PTPRT: variants seen among roughly 807,000 people sequenced by gnomAD.
The protein encoded by PTPRT is protein tyrosine phosphatase receptor type T.
PTPRT carries 56 observed loss-of-function variants against 176.8 expected under a neutral mutation model. That is an observed-to-expected ratio of 0.32 (90% CI 0.26 to 0.40). The LOEUF (loss-of-function observed/expected upper bound fraction) is 0.40, where lower values mean the gene tolerates loss of function less well. Ranked by LOEUF, PTPRT falls within the 10% of genes least tolerant of loss-of-function variation. The pLI is 1.00. For missense variants in PTPRT, 1,540 were observed against 1,908.2 expected (o/e 0.81, Z 3.60); for synonymous variants, 783 against 739.0 (o/e 1.06, Z -0.96).
intron 9 of PTPRT, among the ~76,000 whole-genome samples, chr20:42,390,894 G>T (rs1178975366): frequency 6.6e-6 from 1 of 152,156 alleles, no homozygotes; most frequent in African/African-American, 2.4e-5. Context: ...AGGCTGGCAG[G>T]TAGGACTAAG....
At chr20:42,339,439 T>C (rs570112556) in intron 11 of PTPRT, among the ~76,000 whole-genome samples, 7 of 152,300 alleles carry the variant, frequency 4.6e-5, no homozygotes, top group African/African-American at 1.7e-4. Flanking sequence ...GAGAGAGACA[T>C]GAGAGATCCA....
At chr20:42,603,792 C>T (rs1007943037) in intron 7 of PTPRT, among the ~76,000 whole-genome samples, 1 of 152,120 alleles carries the variant, frequency 6.6e-6, no homozygotes, top group Non-Finnish European at 1.5e-5. Context: ...TCTTTATCCC[C>T]GTAGATGTGT....
intron 7 of PTPRT, among the ~76,000 whole-genome samples, chr20:42,647,964 C>T (rs1405913605): frequency 2.0e-5 from 3 of 152,108 alleles, no homozygotes; most frequent in East Asian, 1.9e-4. Context: ...GGAAATTTCT[C>T]GTCCCTACTC....
intron 10 of PTPRT, 51 bp downstream of exon 10, chr20:42,352,033 G>A (rs2058291551): frequency 6.4e-7 from 1 of 1,561,110 alleles, no homozygotes; most frequent in Admixed American, 1.7e-5. Flanking sequence ...GGAAAATCAG[G>A]AAGTGGGGGT....
intron 2 of PTPRT, among the ~76,000 whole-genome samples, chr20:42,841,463 T>G (rs571631756): frequency 6.6e-6 from 1 of 152,264 alleles, no homozygotes; most frequent in African/African-American, 2.4e-5. Flanking sequence ...ACAGTCCTAG[T>G]GAGATCTGGG....
Position 42,756,752 on chromosome 20 carries a change from A to G in PTPRT, c.685-116T>C, listed in dbSNP as rs1014131359. ...CCCCTGGGGCTCAAGACTTTCCACT[A>G]TAATAAGGGATTTCCAGCCAGGCAC... On this transcript the variant is annotated intron_variant, in intron 5 of 30. Transcript: ENST00000373187. 26 of 892,300 alleles carry G rather than the reference A, an allele frequency of 2.9e-5. No individual in the cohort carries two copies. In the South Asian group the frequency reaches 5.3e-4, roughly 18 times the overall value. The allele number at this position is 892,300 out of a possible 1,614,324, so 55.3% of individuals were successfully genotyped here.
intron 6 of PTPRT, among the ~76,000 whole-genome samples, chr20:42,711,131 C>T (rs2076138427): frequency 1.3e-5 from 2 of 152,172 alleles, no homozygotes; most frequent in African/African-American, 4.8e-5. Context: ...ATGGAAGGAA[C>T]TTGTTTTGAG....
intron 6 of PTPRT, among the ~76,000 whole-genome samples, chr20:42,698,850 T>C (rs1247159450): frequency 1.3e-5 from 2 of 149,326 alleles, no homozygotes; most frequent in Non-Finnish European, 3.0e-5. Context: ...AATGAATGCA[T>C]ACATGAATGA....
At chr20:42,442,641 A>T (rs936347518) in intron 9 of PTPRT, among the ~76,000 whole-genome samples, 2 of 152,182 alleles carry the variant, frequency 1.3e-5, no homozygotes, top group Non-Finnish European at 2.9e-5. Flanking sequence ...TCTGAATTTT[A>T]AATATTTTCA....
chr20:42,619,088 C>T (rs540577954), intron 7 of PTPRT, among the ~76,000 whole-genome samples: 1 of 151,132 alleles, frequency 6.6e-6, no homozygotes, highest in South Asian at 2.1e-4. Context: ...CCGGTTGCTC[C>T]TTTCCATGTT....
chr20:42,449,263 G>A (rs2070784813), intron 8 of PTPRT, among the ~76,000 whole-genome samples: 1 of 152,166 alleles, frequency 6.6e-6, no homozygotes, highest in Non-Finnish European at 1.5e-5. Context: ...ATGAATAGGT[G>A]AATGAATGAC....
At chr20:42,815,723 CAAT>C (rs2145634999) in intron 2 of PTPRT, among the ~76,000 whole-genome samples, 1 of 152,248 alleles carries the variant, frequency 6.6e-6, no homozygotes, top group Admixed American at 6.5e-5. Context: ...CTCACAAAAA[CAAT>C]CAGGGCAAGA....
At chr20:43,135,556 A>T (rs2013804213) in intron 1 of PTPRT, among the ~76,000 whole-genome samples, 1 of 152,238 alleles carries the variant, frequency 6.6e-6, no homozygotes, top group African/African-American at 2.4e-5. Flanking sequence ...AAAGCTCTCC[A>T]TGTGAACATT....
At chr20:42,140,484 A>G (rs1422047454) in intron 18 of PTPRT, among the ~76,000 whole-genome samples, 1 of 152,212 alleles carries the variant, frequency 6.6e-6, no homozygotes, top group Non-Finnish European at 1.5e-5. Flanking sequence ...TTACCTATGC[A>G]TGACATTCAG....
In PTPRT at chr20:42,976,845, G is replaced by A. The variant is rs1322556348; in HGVS notation, c.89-90913C>T. On this transcript the variant is annotated intron_variant, in intron 1 of 30. Coordinates refer to ENST00000373187, the MANE Select transcript of PTPRT (RefSeq NM_007050.6). ...GTGAGTTTATATGTCCATAAACATG[G>A]TATACAAATAACCATTTAGTTACAT... 2.0e-5 allele frequency among the ~76,000 whole-genome samples: 3 copies of A among 152,120 alleles called. No homozygotes were observed. In the East Asian group the frequency reaches 5.8e-4, roughly 29 times the overall value.
At chr20:42,887,696 C>T (rs1254772695) in intron 1 of PTPRT, among the ~76,000 whole-genome samples, 1 of 152,182 alleles carries the variant, frequency 6.6e-6, no homozygotes, top group Non-Finnish European at 1.5e-5. Context: ...ACAGTCCAAA[C>T]ACCATGGAAG....
intron 1 of PTPRT, among the ~76,000 whole-genome samples, chr20:43,035,886 C>T (rs1402733946): frequency 5.9e-5 from 9 of 152,164 alleles, no homozygotes; most frequent in Admixed American, 5.9e-4. Flanking sequence ...ACCATAATGT[C>T]CAAGACTGAT....
intron 2 of PTPRT, among the ~76,000 whole-genome samples, chr20:42,849,756 C>T (rs564162518): frequency 5.3e-5 from 8 of 152,270 alleles, no homozygotes; most frequent in East Asian, 3.9e-4. Context: ...TTACATGAGA[C>T]GATGTGTGTG....
At chr20:42,734,260 T>C (rs1408048294) in intron 6 of PTPRT, among the ~76,000 whole-genome samples, 1 of 152,128 alleles carries the variant, frequency 6.6e-6, no homozygotes, top group Non-Finnish European at 1.5e-5. Context: ...GGAGTGACAT[T>C]GACTCCAACC....
Sources: allele counts gnomAD v4.1 joint callset (sites outside exome capture counted in the v4.1 genomes callset), GRCh38; gene constraint gnomAD v4.1.1; transcripts MANE v1.5; gene names NCBI Gene and HGNC (gene_info 2026-07-23, HGNC 2026-07-21).